Variants in NUP205 observed in about 807,000 individuals in gnomAD.
NUP205 encodes nuclear pore complex protein Nup205.
A neutral mutation model predicts 253.8 loss-of-function variants in NUP205; 76 were observed. That is an observed-to-expected ratio of 0.30 (90% CI 0.25 to 0.36). The LOEUF (loss-of-function observed/expected upper bound fraction) is 0.36, where lower values mean the gene tolerates loss of function less well. NUP205 is among the 10% of genes least tolerant of loss of function. The probability of loss-of-function intolerance (pLI) is 1.00; values close to 1 mark genes in which losing one functional copy is unlikely to be tolerated. For missense variants in NUP205, 2,162 were observed against 2,425.5 expected (o/e 0.89, Z 2.28); for synonymous variants, 832 against 850.1 (o/e 0.98, Z 0.37).
chr7:135,614,195 G>A lies in NUP205; in HGVS notation c.3232G>A (p.Gly1078Ser). The part of the protein sequence containing the change: ...YQLCACSDTS[G>S]PTMRYLRTSQ... ...GTTATGTGCATGCTCTGATACATCTGGTCCTACTATGAGGTACTTGAGAAC... is the reference window on the plus strand; with the variant it reads ...GTTATGTGCATGCTCTGATACATCTAGTCCTACTATGAGGTACTTGAGAAC... The change falls in exon 23 of 43, where the codon GGT (glycine) becomes AGT (serine). Residue 1078 changes from glycine to serine, a missense_variant. Gly to Ser is a moderately conservative substitution (Grantham distance 56). Coordinates refer to ENST00000285968, the MANE Select transcript of NUP205 (RefSeq NM_015135.3). 1 of 1,610,954 alleles carries A rather than the reference G, an allele frequency of 6.2e-7. No homozygotes were observed. The highest frequency in any genetic ancestry group is 8.5e-7 in the Non-Finnish European group (1 of 1,177,422).
intron 3 of NUP205, among the ~76,000 whole-genome samples, chr7:135,574,184 C>T (rs1042066967): frequency 6.6e-6 from 1 of 152,064 alleles, no homozygotes; most frequent in Non-Finnish European, 1.5e-5. Flanking sequence ...GTTTAGTGAT[C>T]AGAATTGTTA....
rs1189400883 is a variant in NUP205, at chr7:135,590,298, G to A, written c.1474-1152G>A. ...AGCTAACTTTTGTATTGTTTTAGTTGAGACGGGTTTTCACCATGTTGGTCA... is the reference window on the plus strand; with the variant it reads ...AGCTAACTTTTGTATTGTTTTAGTTAAGACGGGTTTTCACCATGTTGGTCA... On this transcript the variant is annotated intron_variant, in intron 10 of 42. Coordinates refer to ENST00000285968, the MANE Select transcript of NUP205 (RefSeq NM_015135.3). 2.1e-5 allele frequency among the ~76,000 whole-genome samples: 3 copies of A among 143,448 alleles called. 1 individual carries two copies. Among genetic ancestry groups the A allele is most frequent in the African/African-American group, 7.7e-5 (3 of 38,910 alleles). The allele number at this position is 143,448 out of a possible 152,430, so 94.1% of individuals were successfully genotyped here. A position where few individuals can be genotyped will look rare whatever the true frequency, so the allele number is the denominator to read the frequency against.
rs182453148 is a variant in NUP205 at position 135,576,353 on chromosome 7, G to A, written c.427G>A (p.Ala143Thr). ...LLYWDGKRCIANSLKALIQSR... is the reference protein window; with the variant it reads ...LLYWDGKRCITNSLKALIQSR... ...GTACTGGGATGGAAAGCGATGCATTGCGAATTCCTTGAAAGCCTTGATACA... is the reference window on the plus strand; with the variant it reads ...GTACTGGGATGGAAAGCGATGCATTACGAATTCCTTGAAAGCCTTGATACA... Residue 143 changes from alanine to threonine, a missense_variant, in exon 4 of 43, where the codon GCG (alanine) becomes ACG (threonine). This residue lies in a region of NUP205 where 892 missense variants were observed against 957.1 expected (regional missense o/e 0.93). Transcript: ENST00000285968. The A allele has an allele frequency of 1.2e-6, 2 of 1,613,838 alleles. No homozygotes were observed. Among genetic ancestry groups the A allele is most frequent in the African/African-American group, 2.7e-5 (2 of 75,018 alleles).
intron 38 of NUP205, among the ~76,000 whole-genome samples, chr7:135,642,217 T>G (rs994374572): frequency 3.3e-5 from 5 of 150,350 alleles, no homozygotes; most frequent in Non-Finnish European, 5.9e-5. Flanking sequence ...ATCGAACCAC[T>G]GTACTCCAGG....
chr7:135,619,424 T>A lies in NUP205; in HGVS notation c.3965T>A (p.Ile1322Lys). 2 of 1,612,286 alleles carry A rather than the reference T, an allele frequency of 1.2e-6. No individual in the cohort carries two copies. Among genetic ancestry groups the A allele is most frequent in the Non-Finnish European group, 1.7e-6 (2 of 1,179,802 alleles). Residue 1322 changes from isoleucine (I) to lysine (K), a missense_variant and splice_region_variant, in exon 29 of 43, where the codon ATA becomes AAA. Transcript: ENST00000285968. ...TCTAATTTGCCCTTGTCCTTTAAGA[T>A]ACTGGATGATGAAGCTGCGCAAGAG... ...RDILQDVHDK[I>K]LDDEAAQELM...
intron 12 of NUP205, among the ~76,000 whole-genome samples, chr7:135,594,199 CT>C (rs1258196080): frequency 2.6e-5 from 4 of 151,904 alleles, no homozygotes; most frequent in African/African-American, 9.7e-5. Flanking sequence ...TTCATCCATA[CT>C]TTATATTGCA....
In NUP205 at chr7:135,567,170, A is replaced by G. The variant is rs1401294455; in HGVS notation, c.29-3935A>G. Among the ~76,000 whole-genome samples the G allele has an allele frequency of 1.3e-4, 14 of 107,450 alleles. 2 individuals carry two copies. The highest frequency in any genetic ancestry group is 2.6e-4 in the African/African-American group (7 of 27,058). The allele number at this position is 107,450 out of a possible 152,430, so 70.5% of individuals were successfully genotyped here. A position where few individuals can be genotyped will look rare whatever the true frequency, so the allele number is the denominator to read the frequency against. On this transcript the variant is annotated intron_variant, in intron 1 of 42. Transcript: ENST00000285968. ...TATATATATATATATATATATATAT[A>G]TATATATATATGTATATATGGTCCC...
rs748605700 is a variant in NUP205, at chr7:135,637,925, TG to T, written c.5137-5del. 1 of 1,600,276 alleles carries T rather than the reference TG, an allele frequency of 6.2e-7. No individual in the cohort carries two copies. The highest frequency in any genetic ancestry group is 8.5e-7 in the Non-Finnish European group (1 of 1,176,504). ...TACATTTAACAAGATATCTTTTTCT[TG>T]TTAGCGCCAGTGCTTAGGACTACTA... On this transcript the variant is annotated splice_region_variant and splice_polypyrimidine_tract_variant and intron_variant, in intron 36 of 42. Transcript: ENST00000285968.
intron 30 of NUP205, among the ~76,000 whole-genome samples, chr7:135,621,683 T>C (rs1794472381): frequency 6.6e-6 from 1 of 152,216 alleles, no homozygotes; most frequent in Admixed American, 6.5e-5. Flanking sequence ...ATTTTTATAA[T>C]AGGTGTGCTT....
chr7:135,614,484 AT>A (rs1794310329), intron 23 of NUP205, among the ~76,000 whole-genome samples: 1 of 152,186 alleles, frequency 6.6e-6, no homozygotes, highest in African/African-American at 2.4e-5. Context: ...CAAGGATGGA[AT>A]TTGATTCTCT....
chr7:135,563,475 A>G (rs1319971788), intron 1 of NUP205, among the ~76,000 whole-genome samples: 2 of 152,082 alleles, frequency 1.3e-5, no homozygotes, highest in Non-Finnish European at 2.9e-5. Flanking sequence ...GGCGTGAGCC[A>G]CTGTGCCCGG....
At chr7:135,579,974 C>G (rs967387521) in intron 7 of NUP205, among the ~76,000 whole-genome samples, 4 of 152,144 alleles carry the variant, frequency 2.6e-5, no homozygotes, top group African/African-American at 9.7e-5. Context: ...AACCTGTTAA[C>G]TCACTGTAGC....
chr7:135,575,715 A>G (rs958275095), intron 3 of NUP205, among the ~76,000 whole-genome samples: 3 of 152,126 alleles, frequency 2.0e-5, no homozygotes, highest in African/African-American at 7.2e-5. Context: ...GAATTGCTTG[A>G]ACCTAGGCGG....
intron 38 of NUP205, among the ~76,000 whole-genome samples, chr7:135,639,058 C>T (rs1394551479): frequency 1.3e-5 from 2 of 152,138 alleles, no homozygotes; most frequent in African/African-American, 4.8e-5. Flanking sequence ...TTTATTATAG[C>T]TCCAAATTTC....
At chr7:135,640,165 T>C (rs1794891658) in intron 38 of NUP205, among the ~76,000 whole-genome samples, 1 of 152,204 alleles carries the variant, frequency 6.6e-6, no homozygotes, top group African/African-American at 2.4e-5. Flanking sequence ...CCATGGCACA[T>C]GTATACCTAT....
intron 34 of NUP205, among the ~76,000 whole-genome samples, chr7:135,629,776 C>T (rs1794672665): frequency 6.6e-6 from 1 of 152,290 alleles, no homozygotes; most frequent in South Asian, 2.1e-4. Flanking sequence ...ATACCCGCCT[C>T]AGCCTCCCAA....
intron 8 of NUP205, among the ~76,000 whole-genome samples, chr7:135,585,823 T>G (rs1269390871): frequency 2.0e-5 from 3 of 152,188 alleles, no homozygotes; most frequent in African/African-American, 7.2e-5. Flanking sequence ...ATTGCAGGTG[T>G]GAACCACCAT....
intron 31 of NUP205, among the ~76,000 whole-genome samples, 169 bp downstream of exon 31, chr7:135,623,094 A>G (rs745379867): frequency 1.9e-4 from 29 of 152,176 alleles, no homozygotes; most frequent in Non-Finnish European, 3.7e-4. Context: ...CCTGGGCAAC[A>G]TGGTGAAACC....
Position 135,644,939 on chromosome 7 carries a change from T to C in NUP205, c.5604T>C (p.Thr1868=), listed in dbSNP as rs1563141976. ...VMPAGVDKIS[T]AQKYVLARRR... ...CTGCTGGTGTTGATAAAATCTCCAC[T>C]GCTCAGAAATATGTTCTAGCAAGAC... The change falls in exon 40 of 43, where the codon ACT becomes ACC. Residue 1868 remains threonine (T), a synonymous_variant. Transcript: ENST00000285968. 3.7e-6 allele frequency: 6 copies of C among 1,614,146 alleles called. No individual in the cohort carries two copies. Among genetic ancestry groups the C allele is most frequent in the Middle Eastern group, 1.6e-4 (1 of 6,062 alleles).
Sources: allele counts gnomAD v4.1 joint callset (sites outside exome capture counted in the v4.1 genomes callset), GRCh38; gene constraint gnomAD v4.1.1; regional missense constraint gnomAD v4.1.1; transcripts MANE v1.5; gene names NCBI Gene and HGNC (gene_info 2026-07-23, HGNC 2026-07-21).